Variants in STARD13 observed in about 807,000 individuals in gnomAD.
STARD13 encodes the protein StAR related lipid transfer domain containing 13.
In STARD13, 62 loss-of-function variants were observed where a neutral mutation model predicts 106.4. The observed-to-expected ratio is 0.58, with a 90% confidence interval of 0.48 to 0.72. STARD13 has a LOEUF of 0.72. Among genes scored for constraint, STARD13 ranks in the 30% least tolerant of loss-of-function variants. STARD13 has a pLI of 0.00. For synonymous variants in STARD13, 565 were observed against 553.0 expected (o/e 1.02, Z -0.31); for missense variants, 1,387 against 1,424.0 (o/e 0.97, Z 0.42).
chr13:33,177,984 G>A (rs76816275), intron 1 of STARD13, among the ~76,000 whole-genome samples: 4 of 9,516 alleles, frequency 4.2e-4, no homozygotes, highest in African/African-American at 8.7e-4. Context: ...AAGGAAGGAA[G>A]GAAAGGAAGG....
At chr13:33,429,645 A>G in the STARD13 span, among the ~76,000 whole-genome samples, 17 of 152,232 alleles carry the variant, frequency 1.1e-4, no homozygotes, top group Non-Finnish European at 4.4e-5. Flanking sequence ...CATTATGTTA[A>G]GTGAAATAAG....
chr13:33,259,996 CAAAAAAAAA>C (rs35410044), intron 1 of STARD13, among the ~76,000 whole-genome samples: 1 of 101,996 alleles, frequency 9.8e-6, no homozygotes. Context: ...ATTCCATCTC[CAAAAAAAAA>C]AAAAAAAAAA....
In STARD13 at chr13:33,165,352, A is replaced by G. The variant is rs755628474; in HGVS notation, c.308T>C (p.Val103Ala). ...NDHDFLEKDL[V>A]EPLCRRLNTL... ...CATGGTTTACCTGCAAAGAGGTTCT[A>G]CAAGGTCCTTTTCAAGAAAATCATG... is the stretch of plus-strand genomic sequence containing the variant. The change falls in exon 3 of 14, where the codon GTA (valine) becomes GCA (alanine). Residue 103 changes from valine (V) to alanine (A), a missense_variant. Physicochemically the swap from Val to Ala is moderately conservative, Grantham distance 64. Transcript: ENST00000336934. 8 of 1,613,284 alleles carry G rather than the reference A, an allele frequency of 5.0e-6. No individual in the cohort carries two copies. Among genetic ancestry groups the G allele is most frequent in the Non-Finnish European group, 6.8e-6 (8 of 1,179,228 alleles).
chr13:33,614,146 C>A, the STARD13 span, among the ~76,000 whole-genome samples: 1 of 152,110 alleles, frequency 6.6e-6, no homozygotes, highest in Non-Finnish European at 1.5e-5. Context: ...GCTTGGATGC[C>A]TGGTGCTCCA....
At chr13:33,359,040 T>TGATTGTAAAGG in the STARD13 span, among the ~76,000 whole-genome samples, 1 of 152,126 alleles carries the variant, frequency 6.6e-6, no homozygotes, top group South Asian at 2.1e-4. Context: ...GCTACTGGGC[T>TGATTGTAAAGG]CTACCAATCA....
chr13:33,150,653 T>G (rs965759181), intron 3 of STARD13, among the ~76,000 whole-genome samples: 3 of 152,236 alleles, frequency 2.0e-5, no homozygotes, highest in African/African-American at 7.2e-5. Context: ...TGGCACATGA[T>G]GAAGCCTGTC....
At chr13:33,451,274 ATACTT>A in the STARD13 span, among the ~76,000 whole-genome samples, 1 of 152,238 alleles carries the variant, frequency 6.6e-6, no homozygotes, top group African/African-American at 2.4e-5. Flanking sequence ...AGATAATAAA[ATACTT>A]TACTATGTTA....
chr13:33,659,236 T>TTTTTTTTTTTA, the STARD13 span, among the ~76,000 whole-genome samples: 1 of 138,566 alleles, frequency 7.2e-6, no homozygotes, highest in African/African-American at 2.6e-5. Context: ...TTTTTTTTTT[T>TTTTTTTTTTTA]ATGAAGTCTT....
chr13:33,126,588 A>C (rs915854318), intron 6 of STARD13, among the ~76,000 whole-genome samples: 23 of 152,350 alleles, frequency 1.5e-4, no homozygotes, highest in Middle Eastern at 3.4e-3. Flanking sequence ...AAAAATTACA[A>C]GAGGAAGAAG....
chr13:33,290,670 CA>C (rs1175080848), upstream of STARD13, among the ~76,000 whole-genome samples: 4 of 152,244 alleles, frequency 2.6e-5, no homozygotes, highest in African/African-American at 9.6e-5. Context: ...GGTGCATTCC[CA>C]TCTATGGGCC....
chr13:33,523,540 C>G, the STARD13 span, among the ~76,000 whole-genome samples: 1 of 152,162 alleles, frequency 6.6e-6, no homozygotes, highest in East Asian at 1.9e-4. Flanking sequence ...TAAAATCCTT[C>G]TATATCTAAC....
intron 3 of STARD13, among the ~76,000 whole-genome samples, chr13:33,153,632 T>C (rs1016899450): frequency 2.0e-5 from 3 of 152,152 alleles, no homozygotes; most frequent in Admixed American, 6.5e-5. Context: ...AGGAAAACAA[T>C]AGGACTCTCT....
chr13:33,218,506 C>A (rs1001785013), intron 1 of STARD13, among the ~76,000 whole-genome samples: 5 of 152,184 alleles, frequency 3.3e-5, no homozygotes, highest in African/African-American at 1.2e-4. Flanking sequence ...GCCTCTTGAA[C>A]CTGGTGCCAT....
the STARD13 span, chr13:33,658,417 T>C: frequency 6.6e-6 from 1 of 152,282 alleles, no homozygotes; most frequent in Non-Finnish European, 1.5e-5. Flanking sequence ...TGTTTTTAAC[T>C]TTGCAAAATG....
downstream of STARD13, among the ~76,000 whole-genome samples, chr13:33,348,092 C>T (rs1160737371): frequency 6.6e-6 from 1 of 152,158 alleles, no homozygotes; most frequent in African/African-American, 2.4e-5. Flanking sequence ...ATTGTTTGGT[C>T]CCAGCTGAAT....
chr13:33,211,062 ATATAGT>A (rs1480855625), intron 1 of STARD13, among the ~76,000 whole-genome samples: 1 of 152,160 alleles, frequency 6.6e-6, no homozygotes, highest in African/African-American at 2.4e-5. Flanking sequence ...AAATATGAAA[ATATAGT>A]TATTGTATAG....
At chr13:33,198,152 A>C (rs552584995) in intron 1 of STARD13, among the ~76,000 whole-genome samples, 1 of 152,368 alleles carries the variant, frequency 6.6e-6, no homozygotes, top group African/African-American at 2.4e-5. Flanking sequence ...TGGGCCACAG[A>C]GTGAGACTCC....
At position 33,104,294 on chromosome 13, in the gene STARD13, T is replaced by C. The variant is rs548042653; in HGVS notation, c.*1299A>G. The stretch of plus-strand genomic sequence containing the variant: ...GAGTCAATTCGCTTCATCTGTACAA[T>C]AATAAATAAGGTTGGGTCAAATGCA... On this transcript the variant is annotated 3_prime_UTR_variant, in exon 14 of 14. Transcript: ENST00000336934. The C allele has an allele frequency of 1.3e-5, 2 of 152,376 alleles. No homozygotes were observed. Among genetic ancestry groups the C allele is most frequent in the Admixed American group, 6.5e-5 (1 of 15,292 alleles). 9.4% of individuals were successfully genotyped at this position (152,376 alleles called of 1,614,324 possible). A position where few individuals can be genotyped will look rare whatever the true frequency, so the allele number is the denominator to read the frequency against.
the STARD13 span, among the ~76,000 whole-genome samples, chr13:33,504,150 G>T: frequency 6.6e-6 from 1 of 152,154 alleles, no homozygotes; most frequent in South Asian, 2.1e-4. Context: ...CTTTTACACT[G>T]TTGGTGGGAC....
Sources: gnomAD v4.1 joint callset for allele counts (sites outside exome capture counted in the v4.1 genomes callset) on GRCh38, gnomAD v4.1.1 for gene constraint, MANE v1.5 for transcripts, NCBI Gene and HGNC (gene_info 2026-07-23, HGNC 2026-07-21) for gene names.